The following ROBO1 variants were observed in gnomAD, a reference collection of about 807,000 sequenced individuals.
The protein encoded by ROBO1 is roundabout guidance receptor 1, also known as roundabout homolog 1.
In ROBO1, 149 loss-of-function variants were observed where a neutral mutation model predicts 195.9. The observed-to-expected ratio is 0.76, with a 90% confidence interval of 0.67 to 0.87. ROBO1 has a LOEUF of 0.87. Ranked by LOEUF, ROBO1 falls within the 40% of genes least tolerant of loss-of-function variation. The pLI, the probability that ROBO1 is intolerant of heterozygous loss-of-function variation, is 0.00. For synonymous variants in ROBO1, 816 were observed against 733.2 expected (o/e 1.11, Z -1.82); for missense variants, 1,933 against 2,068.3 (o/e 0.93, Z 1.27).
intron 4 of ROBO1, among the ~76,000 whole-genome samples, chr3:78,935,428 A>C (rs2039752155): frequency 6.6e-6 from 1 of 152,014 alleles, no homozygotes; most frequent in African/African-American, 2.4e-5. Flanking sequence ...ACTTTCTTTA[A>C]ACTTCAATGT....
chr3:79,390,247 T>C (rs2036897732), intron 2 of ROBO1, among the ~76,000 whole-genome samples: 1 of 151,882 alleles, frequency 6.6e-6, no homozygotes, highest in African/African-American at 2.4e-5. Flanking sequence ...AATGCCTATT[T>C]TATATTCCAC....
At chr3:79,563,794 T>C (rs61105881) in intron 2 of ROBO1, among the ~76,000 whole-genome samples, 11,266 of 152,118 alleles carry the variant, frequency 0.074, 450 homozygotes, top group East Asian at 0.15. Context: ...ATCTATTTAA[T>C]GCAGAAAACT....
At chr3:79,680,317 A>G (rs1318693344) in intron 1 of ROBO1, among the ~76,000 whole-genome samples, 1 of 152,024 alleles carries the variant, frequency 6.6e-6, no homozygotes, top group Non-Finnish European at 1.5e-5. Flanking sequence ...AGTCTTTGGA[A>G]AATAGTACTA....
At chr3:78,677,342 A>T (rs1397478811) in intron 10 of ROBO1, among the ~76,000 whole-genome samples, 2 of 152,202 alleles carry the variant, frequency 1.3e-5, no homozygotes, top group Non-Finnish European at 2.9e-5. Flanking sequence ...TTAAATGTAA[A>T]TGGACTAAAT....
intron 1 of ROBO1, among the ~76,000 whole-genome samples, chr3:79,607,757 A>G (rs1361526386): frequency 1.3e-5 from 2 of 152,024 alleles, no homozygotes; most frequent in African/African-American, 2.4e-5. Context: ...AATAGATTTA[A>G]TTCCTAAAAT....
chr3:78,788,282 A>ATT (rs370345876), intron 4 of ROBO1, among the ~76,000 whole-genome samples: 49 of 149,374 alleles, frequency 3.3e-4, no homozygotes, highest in African/African-American at 1.0e-3. Flanking sequence ...CGCCCAGATA[A>ATT]TTTTTTTTTG....
intron 1 of ROBO1, among the ~76,000 whole-genome samples, chr3:79,753,918 T>G (rs537208246): frequency 6.6e-6 from 1 of 152,298 alleles, no homozygotes; most frequent in Non-Finnish European, 1.5e-5. Context: ...ATTTATGGGA[T>G]CTAAACATGA....
At chr3:79,300,252 G>A (rs983486662) in intron 2 of ROBO1, among the ~76,000 whole-genome samples, 3 of 152,220 alleles carry the variant, frequency 2.0e-5, no homozygotes, top group African/African-American at 7.2e-5. Flanking sequence ...GGCTGCGCTC[G>A]GCGCTTGCGG....
chr3:78,850,566 T>C (rs1023155409), intron 4 of ROBO1, among the ~76,000 whole-genome samples: 1 of 152,190 alleles, frequency 6.6e-6, no homozygotes, highest in African/African-American at 2.4e-5. Flanking sequence ...ATACAGATTA[T>C]AACAAAAATA....
intron 28 of ROBO1, among the ~76,000 whole-genome samples, chr3:78,614,363 A>G (rs535774936): frequency 6.6e-6 from 1 of 152,338 alleles, no homozygotes; most frequent in Non-Finnish European, 1.5e-5. Context: ...ATCAGTTTCA[A>G]CTACAGTGAT....
chr3:78,924,009 C>T (rs954352335), intron 4 of ROBO1, among the ~76,000 whole-genome samples: 3 of 151,678 alleles, frequency 2.0e-5, no homozygotes, highest in African/African-American at 7.3e-5. Context: ...ATTGAGTCAA[C>T]TCTGTTATCC....
At chr3:79,461,531 A>C (rs1937639425) in intron 2 of ROBO1, among the ~76,000 whole-genome samples, 1 of 152,190 alleles carries the variant, frequency 6.6e-6, no homozygotes, top group African/African-American at 2.4e-5. Context: ...TCATCCATAC[A>C]TTATTGTATC....
chr3:78,714,339 A>G, intron 8 of ROBO1, 58 bp downstream of exon 8: 1 of 1,547,052 alleles, frequency 6.5e-7, no homozygotes, highest in Non-Finnish European at 8.7e-7. Flanking sequence ...TTCTTCAATT[A>G]TCAGCACTAT....
At chr3:78,632,747 T>C (rs552322550) in intron 24 of ROBO1, among the ~76,000 whole-genome samples, 2 of 152,290 alleles carry the variant, frequency 1.3e-5, no homozygotes, top group East Asian at 1.9e-4. Context: ...CCTAGAATCA[T>C]TGTTTATTTT....
chr3:78,927,584 G>A (rs1023350958), intron 4 of ROBO1, among the ~76,000 whole-genome samples: 2 of 152,120 alleles, frequency 1.3e-5, no homozygotes, highest in African/African-American at 4.8e-5. Flanking sequence ...TTTTAAAGAA[G>A]TATTTTCCAA....
At chr3:79,375,813 T>A (rs1575743162) in intron 2 of ROBO1, among the ~76,000 whole-genome samples, 1 of 152,228 alleles carries the variant, frequency 6.6e-6, no homozygotes, top group East Asian at 1.9e-4. Flanking sequence ...ATATACACGC[T>A]ACCAGAAAAT....
At chr3:78,985,277 G>C (rs1249550511) in intron 3 of ROBO1, among the ~76,000 whole-genome samples, 13 of 152,046 alleles carry the variant, frequency 8.6e-5, no homozygotes, top group Admixed American at 7.2e-4. Flanking sequence ...TCTAGCCTGG[G>C]AGACAGAGTG....
intron 1 of ROBO1, among the ~76,000 whole-genome samples, chr3:79,642,024 G>GT (rs1346032283): frequency 6.6e-6 from 1 of 152,006 alleles, no homozygotes; most frequent in Non-Finnish European, 1.5e-5. Context: ...GTTTTGTTTT[G>GT]TTTTTTGTTT....
rs770285553 is a variant in ROBO1 at position 78,938,763 on chromosome 3, C to A, written c.337G>T (p.Asp113Tyr). The stretch of plus-strand genomic sequence containing the variant: ...AACATTCGGTGTGAGCGAGGGTCAT[C>A]TTTGTCTGTCTCCACTCTCTCTCCC... ...KGGERVETDK[D>Y]DPRSHRMLLP... Residue 113 changes from aspartate to tyrosine, a missense_variant, in exon 4 of 31, where the codon GAT becomes TAT. By Grantham distance (160) the Asp-to-Tyr change is radical. Coordinates refer to ENST00000464233, the MANE Select transcript of ROBO1 (RefSeq NM_002941.4). The A allele has an allele frequency of 5.1e-5, 83 of 1,613,858 alleles. No homozygotes were observed. The highest frequency in any genetic ancestry group is 6.9e-5 in the Non-Finnish European group (81 of 1,179,900).
Sources: gnomAD v4.1 joint callset for allele counts (sites outside exome capture counted in the v4.1 genomes callset) on GRCh38, gnomAD v4.1.1 for gene constraint, MANE v1.5 for transcripts, NCBI Gene and HGNC (gene_info 2026-07-23, HGNC 2026-07-21) for gene names.